ZMYND11: variants seen among roughly 807,000 people sequenced by gnomAD.
ZMYND11 encodes zinc finger MYND domain-containing protein 11.
In ZMYND11, 9 loss-of-function variants were observed where a neutral mutation model predicts 84.9. That is an observed-to-expected ratio of 0.11 (90% CI 0.06 to 0.18). ZMYND11 has a LOEUF of 0.18. Among genes scored for constraint, ZMYND11 ranks in the 10% least tolerant of loss-of-function variants. The pLI is 1.00. For synonymous variants in ZMYND11, 250 were observed against 244.1 expected (o/e 1.02, Z -0.23); for missense variants, 409 against 761.0 (o/e 0.54, Z 5.44).
chr10:134,642 T>G (rs1461018996), upstream of ZMYND11: 1 of 152,178 alleles, frequency 6.6e-6, no homozygotes, highest in East Asian at 1.9e-4. Context: ...AGAGAAGCAC[T>G]CGTACTTCTC....
intron 12 of ZMYND11, among the ~76,000 whole-genome samples, chr10:248,075 A>C (rs1952546139): frequency 6.6e-6 from 1 of 152,328 alleles, no homozygotes; most frequent in South Asian, 2.1e-4. Flanking sequence ...TTGATAAGTA[A>C]AATTATAAAT....
intron 1 of ZMYND11, among the ~76,000 whole-genome samples, chr10:150,191 C>T (rs1839977333): frequency 6.6e-6 from 1 of 152,136 alleles, no homozygotes; most frequent in Non-Finnish European, 1.5e-5. Flanking sequence ...GGAGTGGTAC[C>T]AGCTCCTCCT....
intron 1 of ZMYND11, among the ~76,000 whole-genome samples, chr10:177,971 T>A (rs1203814998): frequency 2.0e-5 from 3 of 152,186 alleles, no homozygotes; most frequent in Admixed American, 1.3e-4. Flanking sequence ...CCTAATGACA[T>A]CTATCAATTA....
intron 4 of ZMYND11, among the ~76,000 whole-genome samples, chr10:235,325 CTG>C (rs1208470211): frequency 6.6e-6 from 1 of 152,062 alleles, no homozygotes; most frequent in Admixed American, 6.6e-5. Flanking sequence ...CTTCATGTGG[CTG>C]TGTCACTCAT....
chr10:155,425 G>T (rs547967892), intron 1 of ZMYND11, among the ~76,000 whole-genome samples: 2 of 152,270 alleles, frequency 1.3e-5, no homozygotes, highest in South Asian at 4.1e-4. Flanking sequence ...AAAGCAGGAG[G>T]ATCTCTTGAG....
In ZMYND11 at chr10:236,894, T is replaced by C; in HGVS notation, c.495T>C (p.Ile165=). The change falls in exon 5 of 15, where the codon ATT becomes ATC. Residue 165 remains isoleucine, a synonymous_variant. Coordinates refer to ENST00000381604, the MANE Select transcript of ZMYND11 (RefSeq NM_001370100.5). ...AGATGGGCACATACCTCAGATTCAT[T>C]GTCTCCCGCATGAAGGAGAGGGTGA... ...KQEMGTYLRF[I]VSRMKERAID... is the part of the protein sequence containing the mutation. The C allele has an allele frequency of 6.2e-7, 1 of 1,613,848 alleles. No individual in the cohort carries two copies. The highest frequency in any genetic ancestry group is 8.5e-7 in the Non-Finnish European group (1 of 1,179,890).
intron 1 of ZMYND11, among the ~76,000 whole-genome samples, chr10:139,198 T>C (rs1368078595): frequency 1.3e-5 from 2 of 152,248 alleles, no homozygotes; most frequent in Non-Finnish European, 2.9e-5. Flanking sequence ...AGAGTTCTTA[T>C]TTTAACCATT....
rs769650000 is a variant in ZMYND11 at position 248,967 on chromosome 10, G to T, written c.1565G>T (p.Gly522Val). The stretch of plus-strand genomic sequence containing the variant: ...AATAAAGCTGTAGCCAACATGCAGG[G>T]TGAGATGGACAGAAAATGTAAGCAA... ...AVNKAVANMQ[G>V]EMDRKCKQVK... Residue 522 changes from glycine (G) to valine (V), a missense_variant, in exon 14 of 15, where the codon GGT (glycine) becomes GTT (valine). Gly to Val is a moderately radical substitution (Grantham distance 109). This residue lies in a region of ZMYND11 where 141 missense variants were observed against 173.8 expected (regional missense o/e 0.81). Transcript: ENST00000381604. 3 of 1,614,226 alleles carry T rather than the reference G, an allele frequency of 1.9e-6. No individual in the cohort carries two copies. In the South Asian group the frequency reaches 3.3e-5, roughly 18 times the overall value.
upstream of ZMYND11, among the ~76,000 whole-genome samples, chr10:133,136 C>T (rs1835361418): frequency 6.6e-6 from 1 of 152,166 alleles, no homozygotes; most frequent in Non-Finnish European, 1.5e-5. Context: ...TTGACATCAA[C>T]CCAATTTTCT....
chr10:197,329 A>G lies in ZMYND11; in HGVS notation c.117-12560A>G, dbSNP rs114655025. On this transcript the variant is annotated intron_variant, in intron 2 of 14. Transcript: ENST00000381604. ...ATGTGTATCAATACATACACATGGT[A>G]TATTTCATTGGAACTTCTCTTTTTT... Among the ~76,000 whole-genome samples, 1,237 of 152,362 alleles carry G rather than the reference A, an allele frequency of 8.1e-3. 15 individuals are homozygous for G. Among genetic ancestry groups the G allele is most frequent in the African/African-American group, 0.028 (1,170 of 41,588 alleles).
upstream of ZMYND11, chr10:135,385 G>T: frequency 6.6e-6 from 1 of 151,236 alleles, no homozygotes; most frequent in South Asian, 2.0e-4. The surrounding 1 kb of genome is among the most constrained non-coding windows in gnomAD (Gnocchi z 5.6). Context: ...GGGGGGAGCC[G>T]GGGAGGAGGG....
rs549524764 is a variant in ZMYND11, at chr10:246,690, T to C, written c.951-76T>C. ...AGGTCGCACTTTATGGCAGGCAGGG[T>C]CCACTGAAGCCCTCTTTTACCACCC... On this transcript the variant is annotated intron_variant, in intron 10 of 14. Coordinates refer to ENST00000381604, the MANE Select transcript of ZMYND11 (RefSeq NM_001370100.5). 4 of 1,373,166 alleles carry C rather than the reference T, an allele frequency of 2.9e-6. No individual in the cohort carries two copies. The Admixed American group carries it at 5.9e-5, about 20-fold the overall frequency. The allele number at this position is 1,373,166 out of a possible 1,614,324, so 85.1% of individuals were successfully genotyped here.
intron 1 of ZMYND11, among the ~76,000 whole-genome samples, chr10:175,816 A>C (rs1554766804): frequency 6.6e-6 from 1 of 152,196 alleles, no homozygotes; most frequent in African/African-American, 2.4e-5. Flanking sequence ...TAAAAGTGCT[A>C]ATACACTTTG....
At chr10:233,247 C>T (rs1236523219) in intron 4 of ZMYND11, among the ~76,000 whole-genome samples, 1 of 152,178 alleles carries the variant, frequency 6.6e-6, no homozygotes, top group Admixed American at 6.5e-5. Flanking sequence ...CACTGACATG[C>T]ACAAGTCTTA....
At chr10:190,503 T>G (rs1445467036) in intron 2 of ZMYND11, among the ~76,000 whole-genome samples, 2 of 152,216 alleles carry the variant, frequency 1.3e-5, no homozygotes, top group Admixed American at 6.5e-5. Context: ...CTTCAGGTGT[T>G]GGTGTTATCT....
intron 3 of ZMYND11, among the ~76,000 whole-genome samples, chr10:218,833 A>G (rs1280435997): frequency 6.6e-6 from 1 of 152,190 alleles, no homozygotes; most frequent in East Asian, 1.9e-4. Context: ...AAGGATCTCT[A>G]TTTACCAAAA....
chr10:138,509 C>A (rs1186679767), intron 1 of ZMYND11, among the ~76,000 whole-genome samples: 1 of 152,118 alleles, frequency 6.6e-6, no homozygotes, highest in Admixed American at 6.5e-5. Context: ...TGAGTTTTTT[C>A]TTCTTAGGGT....
chr10:157,536 T>C (rs1236790667), intron 1 of ZMYND11, among the ~76,000 whole-genome samples: 2 of 152,036 alleles, frequency 1.3e-5, no homozygotes, highest in African/African-American at 4.8e-5. Context: ...TTAACAGTAA[T>C]GACAATGAAA....
intron 1 of ZMYND11, among the ~76,000 whole-genome samples, chr10:172,550 G>A (rs971027787): frequency 2.0e-5 from 3 of 152,046 alleles, no homozygotes; most frequent in Admixed American, 2.0e-4. Flanking sequence ...AATAAATTGT[G>A]GACAAGATGT....
Sources: gnomAD v4.1 joint callset for allele counts (sites outside exome capture counted in the v4.1 genomes callset) on GRCh38, gnomAD v4.1.1 for gene constraint, gnomAD v4.1.1 regional missense constraint, Gnocchi (gnomAD v3.1) non-coding constraint, MANE v1.5 for transcripts, NCBI Gene and HGNC (gene_info 2026-07-23, HGNC 2026-07-21) for gene names.